The following C1QTNF7 variants were observed in gnomAD, a reference collection of about 807,000 sequenced individuals.
C1QTNF7 encodes complement C1q tumor necrosis factor-related protein 7.
Under a neutral mutation model 19.6 loss-of-function variants are expected in C1QTNF7, and 15 were observed. The ratio of observed to expected loss-of-function variants is 0.76; its 90% confidence interval spans 0.51 to 1.18. The LOEUF (loss-of-function observed/expected upper bound fraction) is 1.18. C1QTNF7 is among the 50% of genes most tolerant of loss of function. The probability of loss-of-function intolerance (pLI) is 0.00; values close to 1 mark genes in which losing one functional copy is unlikely to be tolerated. For synonymous variants in C1QTNF7, 142 were observed against 137.5 expected, an observed-to-expected ratio of 1.03 and a Z score of -0.23; for missense variants, 324 against 359.7, an observed-to-expected ratio of 0.90 and a Z score of 0.80.
intron 1 of C1QTNF7, among the ~76,000 whole-genome samples, chr4:15,394,378 A>T (rs983784965): frequency 2.5e-4 from 38 of 152,392 alleles, no homozygotes; most frequent in African/African-American, 8.4e-4. Flanking sequence ...GATAACTTAC[A>T]ATCAGCTCAT....
chr4:15,358,963 T>G (rs776822649), intron 1 of C1QTNF7, among the ~76,000 whole-genome samples: 13 of 152,114 alleles, frequency 8.5e-5, no homozygotes, highest in Non-Finnish European at 1.3e-4. Context: ...GTCACTGTCT[T>G]GAAATTTCCA....
chr4:15,410,113 A>G (rs1719353749), intron 1 of C1QTNF7, among the ~76,000 whole-genome samples: 1 of 152,224 alleles, frequency 6.6e-6, no homozygotes, highest in African/African-American at 2.4e-5. Flanking sequence ...GCACTAATCC[A>G]GGAAACTAGA....
intron 1 of C1QTNF7, among the ~76,000 whole-genome samples, chr4:15,379,701 T>G (rs1328457928): frequency 6.6e-6 from 1 of 152,228 alleles, no homozygotes; most frequent in Non-Finnish European, 1.5e-5. Context: ...TTTTAAATGT[T>G]GACATGGTCT....
upstream of C1QTNF7, among the ~76,000 whole-genome samples, chr4:15,427,257 T>G (rs974532182): frequency 6.6e-6 from 1 of 152,166 alleles, no homozygotes; most frequent in African/African-American, 2.4e-5. Flanking sequence ...AAAACAAGAT[T>G]TTTTTCAGTC....
chr4:15,365,786 C>A (rs1263691914), intron 1 of C1QTNF7, among the ~76,000 whole-genome samples: 2 of 151,952 alleles, frequency 1.3e-5, no homozygotes, highest in African/African-American at 2.4e-5. Context: ...TCACTAAGAG[C>A]AAAAGGGACT....
At position 15,442,703 on chromosome 4, in the gene C1QTNF7, C is replaced by T. The variant is rs1483267134; in HGVS notation, c.774C>T (p.Phe258=). 1.2e-6 allele frequency: 2 copies of T among 1,614,192 alleles called. No homozygotes were observed. The highest frequency in any genetic ancestry group is 1.3e-5 in the African/African-American group (1 of 75,056). ...EIFFTDQNGL[F]SDPGWADSLF... Reference sequence around the variant, plus strand: ...TCTTCACAGACCAGAATGGCCTCTTCTCAGACCCAGGTTGGGCAGACAGCT... The same window carrying T: ...TCTTCACAGACCAGAATGGCCTCTTTTCAGACCCAGGTTGGGCAGACAGCT... Residue 258 remains phenylalanine, a synonymous_variant, in exon 3 of 3, where the codon TTC becomes TTT. Coordinates refer to ENST00000444304, the MANE Select transcript of C1QTNF7 (RefSeq NM_031911.5).
At chr4:15,341,338 G>A (rs1460583524) in intron 1 of C1QTNF7, among the ~76,000 whole-genome samples, 1 of 152,194 alleles carries the variant, frequency 6.6e-6, no homozygotes, top group East Asian at 1.9e-4. Flanking sequence ...CTTGGGCTGA[G>A]AGGGCTCTGC....
At chr4:15,386,229 T>G (rs1194100201) in intron 1 of C1QTNF7, among the ~76,000 whole-genome samples, 1 of 152,222 alleles carries the variant, frequency 6.6e-6, no homozygotes, top group African/African-American at 2.4e-5. Flanking sequence ...TTCCCTGGCC[T>G]TGTCTCTCAT....
chr4:15,425,562 G>A (rs1712004051), upstream of C1QTNF7, among the ~76,000 whole-genome samples: 1 of 152,130 alleles, frequency 6.6e-6, no homozygotes, highest in Admixed American at 6.5e-5. Context: ...AAGAAACAGA[G>A]GGTATGCAAC....
At chr4:15,423,927 A>C (rs1430357009), upstream of C1QTNF7, among the ~76,000 whole-genome samples, 1 of 152,162 alleles carries the variant, frequency 6.6e-6, no homozygotes, top group Admixed American at 6.5e-5. Context: ...ACACTCCACA[A>C]TATCCTTTAT....
At chr4:15,340,831 C>T (rs752789323) in intron 1 of C1QTNF7, among the ~76,000 whole-genome samples, 13 of 152,118 alleles carry the variant, frequency 8.5e-5, no homozygotes, top group Non-Finnish European at 1.8e-4. Flanking sequence ...AAGTCACAGT[C>T]GGCTGACAAT....
intron 1 of C1QTNF7, among the ~76,000 whole-genome samples, chr4:15,347,454 G>A (rs1014917457): frequency 6.6e-6 from 1 of 152,158 alleles, no homozygotes; most frequent in African/African-American, 2.4e-5. Flanking sequence ...GTCTTCCTGT[G>A]CTTATAGGGA....
chr4:15,369,323 G>C (rs929338921), intron 1 of C1QTNF7, among the ~76,000 whole-genome samples: 12 of 152,126 alleles, frequency 7.9e-5, no homozygotes, highest in African/African-American at 2.9e-4. Flanking sequence ...AGATTTTAGA[G>C]GGTTTTTAAA....
intron 1 of C1QTNF7, among the ~76,000 whole-genome samples, chr4:15,400,272 G>A (rs976580069): frequency 1.3e-5 from 2 of 152,180 alleles, no homozygotes; most frequent in African/African-American, 4.8e-5. Context: ...TCTGTATATT[G>A]CAAAAAGATC....
intron 1 of C1QTNF7, among the ~76,000 whole-genome samples, chr4:15,433,581 T>C (rs1712416128): frequency 6.6e-6 from 1 of 152,192 alleles, no homozygotes; most frequent in Non-Finnish European, 1.5e-5. Flanking sequence ...TAAGATTGGG[T>C]TTACTCTAGC....
chr4:15,405,905 C>A (rs1719178948), intron 1 of C1QTNF7, among the ~76,000 whole-genome samples: 1 of 152,162 alleles, frequency 6.6e-6, no homozygotes, highest in Non-Finnish European at 1.5e-5. Context: ...GATTGCCCTG[C>A]TGCAGTGCCT....
intron 1 of C1QTNF7, among the ~76,000 whole-genome samples, chr4:15,371,236 C>T (rs903783712): frequency 6.6e-6 from 1 of 152,244 alleles, no homozygotes; most frequent in African/African-American, 2.4e-5. Context: ...CATTAACAAC[C>T]TCATTCTTGA....
exon 1 of C1QTNF7, chr4:15,340,148 C>A: frequency 6.5e-7 from 1 of 1,550,188 alleles, no homozygotes. Context: ...CATGGGACAA[C>A]CAAAGCAAGA....
chr4:15,435,836 G>A lies in C1QTNF7; in HGVS notation c.93G>A (p.Arg31=). The change falls in exon 2 of 3, where the codon AGG becomes AGA. Residue 31 remains arginine (R), a synonymous_variant. Coordinates refer to ENST00000444304, the MANE Select transcript of C1QTNF7 (RefSeq NM_031911.5). ...TGAAAGGAGAGAACTACTCCCCCAG[G>A]TATATCTGCAGCATTCCTGGCTTGC... is the stretch of plus-strand genomic sequence containing the variant. ...NQLKGENYSP[R]YICSIPGLPG... is the part of the protein sequence containing the mutation. 2.5e-6 allele frequency: 4 copies of A among 1,614,084 alleles called. No individual in the cohort carries two copies. The highest frequency in any genetic ancestry group is 3.4e-6 in the Non-Finnish European group (4 of 1,180,018).
Sources: allele counts gnomAD v4.1 joint callset (sites outside exome capture counted in the v4.1 genomes callset), GRCh38; gene constraint gnomAD v4.1.1; transcripts MANE v1.5; gene names NCBI Gene and HGNC (gene_info 2026-07-23, HGNC 2026-07-21).